The following PLCB1 variants were observed in gnomAD, a reference collection of about 807,000 sequenced individuals.
The protein encoded by PLCB1 is 1-phosphatidylinositol 4,5-bisphosphate phosphodiesterase beta-1.
A neutral mutation model predicts 161.8 loss-of-function variants in PLCB1; 46 were observed. That is an observed-to-expected ratio of 0.28 (90% CI 0.22 to 0.36). The LOEUF is 0.36. PLCB1 is among the 10% of genes least tolerant of loss of function. PLCB1 has a pLI of 1.00. For synonymous variants in PLCB1, 517 were observed against 503.7 expected (o/e 1.03, Z -0.35); for missense variants, 1,016 against 1,472.5 (o/e 0.69, Z 5.07).
At chr20:8,311,682 C>T (rs556561383) in intron 2 of PLCB1, among the ~76,000 whole-genome samples, 1 of 152,168 alleles carries the variant, frequency 6.6e-6, no homozygotes, top group African/African-American at 2.4e-5. Flanking sequence ...GAAATGCTAT[C>T]ATAACTCCGG....
intron 2 of PLCB1, among the ~76,000 whole-genome samples, chr20:8,298,006 G>A (rs1245281324): frequency 1.3e-5 from 2 of 151,340 alleles, no homozygotes; most frequent in African/African-American, 4.9e-5. Context: ...TTAATAAGGT[G>A]AAGCAAGAGG....
chr20:8,208,406 A>G (rs6039093), intron 2 of PLCB1, among the ~76,000 whole-genome samples: 32,157 of 152,070 alleles, frequency 0.21, 3,502 homozygotes, highest in South Asian at 0.28. Flanking sequence ...TGGAAGGGGA[A>G]GGGAGGAGGC....
At chr20:8,832,280 G>A (rs1219996266) in intron 31 of PLCB1, among the ~76,000 whole-genome samples, 2 of 152,128 alleles carry the variant, frequency 1.3e-5, no homozygotes, top group Non-Finnish European at 1.5e-5. Context: ...AAATAGAATA[G>A]TTGTTTATAC....
At chr20:8,813,318 A>C (rs1361320069) in intron 31 of PLCB1, among the ~76,000 whole-genome samples, 1 of 152,190 alleles carries the variant, frequency 6.6e-6, no homozygotes, top group Non-Finnish European at 1.5e-5. Flanking sequence ...TTGAAGAAAA[A>C]AATGTTTGCT....
intron 3 of PLCB1, among the ~76,000 whole-genome samples, chr20:8,543,761 T>A (rs1462552879): frequency 6.6e-6 from 1 of 152,008 alleles, no homozygotes; most frequent in Non-Finnish European, 1.5e-5. Context: ...TGGGGGCAGT[T>A]CCCCCATGCT....
rs59196463 is a variant in PLCB1 at position 8,511,884 on chromosome 20, C to G, written c.247-116410C>G. ...TTTAAAAAATTCGATTCTTTGTTTT[C>G]TGCTATAAGATTGTTTGAGTTCCTT... On this transcript the variant is annotated intron_variant, in intron 3 of 31. Coordinates refer to ENST00000338037, the MANE Select transcript of PLCB1 (RefSeq NM_015192.4). Among the ~76,000 whole-genome samples the G allele has an allele frequency of 9.3e-3, 1,419 of 152,064 alleles. 21 individuals carry two copies. Among genetic ancestry groups the G allele is most frequent in the African/African-American group, 0.032 (1,332 of 41,452 alleles).
chr20:8,724,107 G>A (rs1979798841), intron 15 of PLCB1, among the ~76,000 whole-genome samples: 1 of 151,044 alleles, frequency 6.6e-6, no homozygotes, highest in Non-Finnish European at 1.5e-5. Context: ...ATAACTAATG[G>A]ATGCCAGGCT....
chr20:8,537,557 G>T (rs1323145023), intron 3 of PLCB1, among the ~76,000 whole-genome samples: 3 of 152,086 alleles, frequency 2.0e-5, no homozygotes, highest in Non-Finnish European at 4.4e-5. Context: ...TGACTTTCTT[G>T]GTGGGGTGTG....
chr20:8,563,732 A>T (rs1986228590), intron 3 of PLCB1, among the ~76,000 whole-genome samples: 1 of 152,066 alleles, frequency 6.6e-6, no homozygotes. Flanking sequence ...ATCATAGTGA[A>T]CTCCCATTCA....
chr20:8,236,671 C>T (rs968104685), intron 2 of PLCB1, among the ~76,000 whole-genome samples: 7 of 151,944 alleles, frequency 4.6e-5, no homozygotes, highest in Non-Finnish European at 8.8e-5. Flanking sequence ...AATACTTCTA[C>T]ACAAAACAAT....
At chr20:8,578,769 G>T (rs1262515813) in intron 3 of PLCB1, among the ~76,000 whole-genome samples, 1 of 152,126 alleles carries the variant, frequency 6.6e-6, no homozygotes, top group Non-Finnish European at 1.5e-5. Flanking sequence ...ATAAATTACA[G>T]CTTTTCTTAT....
intron 3 of PLCB1, among the ~76,000 whole-genome samples, chr20:8,586,382 A>G (rs1986993649): frequency 1.3e-5 from 2 of 150,920 alleles, no homozygotes; most frequent in Non-Finnish European, 2.9e-5. Flanking sequence ...AAAAAGCGTC[A>G]TCTTTCTGGA....
chr20:8,319,284 A>C (rs1334969441), intron 2 of PLCB1, among the ~76,000 whole-genome samples: 3 of 152,122 alleles, frequency 2.0e-5, no homozygotes, highest in African/African-American at 7.2e-5. Context: ...TGTAGGTTGG[A>C]AATTTGAGTG....
intron 3 of PLCB1, among the ~76,000 whole-genome samples, chr20:8,560,026 C>A (rs1986092374): frequency 6.6e-6 from 1 of 151,880 alleles, no homozygotes; most frequent in South Asian, 2.1e-4. Flanking sequence ...TAATTATAGC[C>A]CCTGTAATTG....
intron 3 of PLCB1, among the ~76,000 whole-genome samples, chr20:8,394,848 A>G (rs572469016): frequency 8.5e-5 from 13 of 152,114 alleles, no homozygotes; most frequent in African/African-American, 1.2e-4. Flanking sequence ...CAAAGTTTTC[A>G]CTTTTAATGG....
chr20:8,277,471 A>G (rs1308594507), intron 2 of PLCB1, among the ~76,000 whole-genome samples: 1 of 152,094 alleles, frequency 6.6e-6, no homozygotes. Context: ...ATATTTCTAT[A>G]TATATAAATG....
intron 10 of PLCB1, among the ~76,000 whole-genome samples, chr20:8,689,027 G>T (rs556759282): frequency 6.6e-6 from 1 of 150,936 alleles, no homozygotes; most frequent in Admixed American, 6.6e-5. Context: ...TTTCAGCAGT[G>T]TTTTGTAGTT....
At chr20:8,140,877 C>T (rs2051395962) in intron 1 of PLCB1, among the ~76,000 whole-genome samples, 1 of 152,064 alleles carries the variant, frequency 6.6e-6, no homozygotes, top group African/African-American at 2.4e-5. Context: ...CGGCTCACCG[C>T]AACCTCTGCC....
chr20:8,163,130 G>A (rs2051642027), intron 2 of PLCB1, among the ~76,000 whole-genome samples: 1 of 152,194 alleles, frequency 6.6e-6, no homozygotes, highest in Admixed American at 6.5e-5. Context: ...CAGAAAGTGT[G>A]GGCAGGGCCA....
Sources: gnomAD v4.1 joint callset for allele counts (sites outside exome capture counted in the v4.1 genomes callset) on GRCh38, gnomAD v4.1.1 for gene constraint, MANE v1.5 for transcripts, NCBI Gene and HGNC (gene_info 2026-07-23, HGNC 2026-07-21) for gene names.